Variants in NCS1 observed in about 807,000 individuals in gnomAD.
The protein encoded by NCS1 is frequenin homolog.
A neutral mutation model predicts 28.4 loss-of-function variants in NCS1; 6 were observed. That is an observed-to-expected ratio of 0.21 (90% CI 0.12 to 0.42). NCS1 has a LOEUF of 0.42. Ranked by LOEUF, NCS1 falls within the 10% of genes least tolerant of loss-of-function variation. The pLI is 1.00. For synonymous variants in NCS1, 86 were observed against 99.3 expected, an observed-to-expected ratio of 0.87 and a Z score of 0.79; for missense variants, 131 against 241.4, an observed-to-expected ratio of 0.54 and a Z score of 3.03.
At chr9:130,211,679 C>T (rs1299213056) in intron 2 of NCS1, among the ~76,000 whole-genome samples, 1 of 152,104 alleles carries the variant, frequency 6.6e-6, no homozygotes, top group Non-Finnish European at 1.5e-5. Context: ...GGAGTATGGG[C>T]TCTGGTCCTG....
intron 1 of NCS1, among the ~76,000 whole-genome samples, chr9:130,196,182 C>T (rs1225895734): frequency 1.3e-5 from 2 of 152,198 alleles, no homozygotes; most frequent in African/African-American, 4.8e-5. Context: ...GCAGGACCCC[C>T]CAGCCCTCCT....
intron 4 of NCS1, among the ~76,000 whole-genome samples, chr9:130,220,392 A>T (rs201229973): frequency 6.0e-5 from 9 of 149,464 alleles, no homozygotes; most frequent in Admixed American, 2.0e-4. Context: ...AGCAGGATTT[A>T]AAAAAAAACC....
intron 7 of NCS1, among the ~76,000 whole-genome samples, chr9:130,227,827 AGT>A (rs1356239545): frequency 2.6e-5 from 4 of 152,216 alleles, no homozygotes; most frequent in African/African-American, 9.6e-5. Flanking sequence ...GACTCTCAGG[AGT>A]ATGCAGTTCA....
At chr9:130,184,966 C>T (rs1353589938) in intron 1 of NCS1, among the ~76,000 whole-genome samples, 2 of 151,184 alleles carry the variant, frequency 1.3e-5, no homozygotes, top group Admixed American at 6.6e-5. Flanking sequence ...TCCGAGACTC[C>T]GTCTCAAAAA....
At chr9:130,179,998 T>C (rs374112770) in intron 1 of NCS1, among the ~76,000 whole-genome samples, 3 of 672 alleles carry the variant, frequency 4.5e-3, no homozygotes, top group African/African-American at 5.0e-3. Context: ...CTTCTTTTTA[T>C]CTATCTATCT....
At position 130,226,522 on chromosome 9, in the gene NCS1, G is replaced by A; in HGVS notation, c.*17+18G>A. 1 of 1,580,290 alleles carries A rather than the reference G, an allele frequency of 6.3e-7. No individual in the cohort carries two copies. Among genetic ancestry groups the A allele is most frequent in the Non-Finnish European group, 8.7e-7 (1 of 1,155,326 alleles). ...GGAGCTGGGTGAGTGCAGACTCGGG[G>A]CCTGGGGTGGGTCTGGGATGGGTCA... On this transcript the variant is annotated intron_variant, in intron 7 of 7. Coordinates refer to ENST00000372398, the MANE Select transcript of NCS1 (RefSeq NM_014286.4). This position sits in a 1 kb window ranked among gnomAD's most constrained non-coding sequence, Gnocchi z 4.8.
intron 1 of NCS1, among the ~76,000 whole-genome samples, chr9:130,184,031 C>G (rs920396835): frequency 6.6e-6 from 1 of 151,996 alleles, no homozygotes; most frequent in Non-Finnish European, 1.5e-5. Flanking sequence ...AGGATGGTCT[C>G]GATCTCCTGA....
rs985761727 is a variant in NCS1, at chr9:130,233,842, A to G, written c.*870A>G. 6.6e-6 allele frequency: 1 copy of G among 150,764 alleles called. No homozygotes were observed. Among genetic ancestry groups the G allele is most frequent in the Non-Finnish European group, 1.5e-5 (1 of 67,718 alleles). The allele number at this position is 150,764 out of a possible 1,614,324, so 9.3% of individuals were successfully genotyped here. ...TGTGCTTGATTTTTGGAGAGGGGAG[A>G]GGTGGAAATTCCTAAATGGCTAATG... On this transcript the variant is annotated 3_prime_UTR_variant, in exon 8 of 8. Transcript: ENST00000372398. The surrounding 1 kb of genome is among the most constrained non-coding windows in gnomAD (Gnocchi z 4.8).
chr9:130,180,831 G>C lies in NCS1; in HGVS notation c.64+8104G>C, dbSNP rs1554905095. Among the ~76,000 whole-genome samples, 2 of 152,204 alleles carry C rather than the reference G, an allele frequency of 1.3e-5. No homozygotes were observed. On this transcript the variant is annotated intron_variant, in intron 1 of 7. Coordinates refer to ENST00000372398, the MANE Select transcript of NCS1 (RefSeq NM_014286.4). This position sits in a 1 kb window ranked among gnomAD's most constrained non-coding sequence, Gnocchi z 4.5. ...ACAGAGTGAGCTGTCACAGGCTCTTGGCTGAATTGGGAGCGAGTGGCAAAC... is the reference window on the plus strand; with the variant it reads ...ACAGAGTGAGCTGTCACAGGCTCTTCGCTGAATTGGGAGCGAGTGGCAAAC...
intron 2 of NCS1, among the ~76,000 whole-genome samples, chr9:130,204,462 A>T (rs962057969): frequency 3.3e-5 from 5 of 151,806 alleles, no homozygotes; most frequent in African/African-American, 1.2e-4. Flanking sequence ...CTAGTTATTT[A>T]AAAAATTTTA....
chr9:130,234,058 G>A lies in NCS1; in HGVS notation c.*1086G>A, dbSNP rs41280142. ...AACAGGGCGCCTAAGGCTGGGAGCTGGAAGAAGGGGCATTGGGTACCCAGG... is the reference window on the plus strand; with the variant it reads ...AACAGGGCGCCTAAGGCTGGGAGCTAGAAGAAGGGGCATTGGGTACCCAGG... On this transcript the variant is annotated 3_prime_UTR_variant, in exon 8 of 8. Transcript: ENST00000372398. This position sits in a 1 kb window ranked among gnomAD's most constrained non-coding sequence, Gnocchi z 6.1. 9.6e-3 allele frequency: 1,467 copies of A among 152,276 alleles called. 13 individuals are homozygous for A. The highest frequency in any genetic ancestry group is 0.022 in the South Asian group (104 of 4,814). 9.4% of individuals were successfully genotyped at this position (152,276 alleles called of 1,614,324 possible).
At chr9:130,174,042 CCCTGGGCA>C (rs1832528719) in intron 1 of NCS1, among the ~76,000 whole-genome samples, 2 of 152,172 alleles carry the variant, frequency 1.3e-5, no homozygotes, top group African/African-American at 4.8e-5. Context: ...GGGGTGAAGC[CCCTGGGCA>C]CAGGGGCTGT....
At chr9:130,210,481 C>G (rs953764122) in intron 2 of NCS1, among the ~76,000 whole-genome samples, 16 of 151,910 alleles carry the variant, frequency 1.1e-4, no homozygotes, top group Non-Finnish European at 2.2e-4. Flanking sequence ...TGGAACCTTC[C>G]TCTTGGGACA....
In NCS1 at chr9:130,186,301, A is replaced by G. The variant is rs1383975518; in HGVS notation, c.64+13574A>G. Among the ~76,000 whole-genome samples the G allele has an allele frequency of 1.3e-5, 2 of 152,100 alleles. No individual in the cohort carries two copies. Among genetic ancestry groups the G allele is most frequent in the African/African-American group, 4.8e-5 (2 of 41,418 alleles). ...TAAGCGTCAAGACAGGGCTTTGCACAATGGACTGGGAATCTCCCTGGTCTG... is the reference window on the plus strand; with the variant it reads ...TAAGCGTCAAGACAGGGCTTTGCACGATGGACTGGGAATCTCCCTGGTCTG... On this transcript the variant is annotated intron_variant, in intron 1 of 7. Coordinates refer to ENST00000372398, the MANE Select transcript of NCS1 (RefSeq NM_014286.4). The surrounding 1 kb of genome is among the most constrained non-coding windows in gnomAD (Gnocchi z 4.1).
At chr9:130,224,701 C>T (rs531595710) in intron 6 of NCS1, among the ~76,000 whole-genome samples, 2 of 152,206 alleles carry the variant, frequency 1.3e-5, no homozygotes, top group South Asian at 4.1e-4. Flanking sequence ...GTACAGCAAA[C>T]CCCCACAACA....
intron 2 of NCS1, among the ~76,000 whole-genome samples, chr9:130,216,434 G>A (rs978318240): frequency 2.0e-5 from 3 of 152,136 alleles, no homozygotes; most frequent in Admixed American, 1.3e-4. Context: ...GGGCTTCCTC[G>A]GCCGGGCACT....
In NCS1 at chr9:130,186,796, C is replaced by CA. The variant is rs1369280562; in HGVS notation, c.64+14069_64+14070insA. On this transcript the variant is annotated intron_variant, in intron 1 of 7. Coordinates refer to ENST00000372398, the MANE Select transcript of NCS1 (RefSeq NM_014286.4). The surrounding 1 kb of genome is among the most constrained non-coding windows in gnomAD (Gnocchi z 4.1). ...CTGGGGACATGAAATTGCACGGTGA[C>CA]TGCAGCATAGAGGGCCTGTGGCCGT... Among the ~76,000 whole-genome samples, 1 of 152,216 alleles carries CA rather than the reference C, an allele frequency of 6.6e-6. No individual in the cohort carries two copies. The highest frequency in any genetic ancestry group is 1.5e-5 in the Non-Finnish European group (1 of 68,028).
intron 7 of NCS1, among the ~76,000 whole-genome samples, chr9:130,231,420 T>C (rs1833500385): frequency 6.6e-6 from 1 of 152,080 alleles, no homozygotes; most frequent in African/African-American, 2.4e-5. Flanking sequence ...TCTCACTCTT[T>C]TTGCCCAGGC....
intron 7 of NCS1, among the ~76,000 whole-genome samples, chr9:130,227,363 C>T (rs1451157607): frequency 2.6e-5 from 4 of 152,204 alleles, no homozygotes; most frequent in African/African-American, 4.8e-5. Flanking sequence ...CAGAGATCAG[C>T]GTTCTTGTCC....
Sources: gnomAD v4.1 joint callset for allele counts (sites outside exome capture counted in the v4.1 genomes callset) on GRCh38, gnomAD v4.1.1 for gene constraint, Gnocchi (gnomAD v3.1) non-coding constraint, MANE v1.5 for transcripts, NCBI Gene and HGNC (gene_info 2026-07-23, HGNC 2026-07-21) for gene names.